Variants in LNX1 observed in about 807,000 individuals in gnomAD.
The protein encoded by LNX1 is E3 ubiquitin-protein ligase LNX.
LNX1 carries 54 observed loss-of-function variants against 68.4 expected under a neutral mutation model. The ratio of observed to expected loss-of-function variants is 0.79; its 90% CI spans 0.63 to 0.99. The LOEUF (loss-of-function observed/expected upper bound fraction) is 0.99. LNX1 is among the 50% of genes least tolerant of loss of function. The pLI is 0.00. For synonymous variants in LNX1, 336 were observed against 350.0 expected (o/e 0.96, Z 0.45); for missense variants, 906 against 926.4 (o/e 0.98, Z 0.29).
chr4:53,595,312 T>G (rs1455603379), upstream of LNX1, among the ~76,000 whole-genome samples: 1 of 152,132 alleles, frequency 6.6e-6, no homozygotes, highest in East Asian at 1.9e-4. Context: ...ATCCACTGAT[T>G]GCTAAATTTA....
intron 7 of LNX1, among the ~76,000 whole-genome samples, chr4:53,480,875 A>C (rs1723865820): frequency 6.6e-6 from 1 of 152,220 alleles, no homozygotes; most frequent in Admixed American, 6.5e-5. Flanking sequence ...AAGAAGAATG[A>C]GCTACCTTTA....
At chr4:53,605,142 G>A (rs1733176599) in intron 2 of LNX1, among the ~76,000 whole-genome samples, 1 of 152,098 alleles carries the variant, frequency 6.6e-6, no homozygotes, top group Admixed American at 6.5e-5. Flanking sequence ...CAGATGAAAA[G>A]GGATGGAGAA....
At chr4:53,605,125 G>T (rs1399245535) in intron 2 of LNX1, among the ~76,000 whole-genome samples, 2 of 152,092 alleles carry the variant, frequency 1.3e-5, no homozygotes. Context: ...GAGTTACAAG[G>T]CCCACCCAGA....
intron 1 of LNX1, among the ~76,000 whole-genome samples, chr4:53,649,807 A>G (rs1320423429): frequency 2.6e-5 from 4 of 152,202 alleles, no homozygotes; most frequent in African/African-American, 9.6e-5. Context: ...ATTGAAATTT[A>G]TTGCTTGTCT....
chr4:53,503,017 G>A (rs889762040), intron 4 of LNX1, among the ~76,000 whole-genome samples: 5 of 151,148 alleles, frequency 3.3e-5, no homozygotes, highest in African/African-American at 9.7e-5. Flanking sequence ...TGCAAGCTCC[G>A]CCTCCCAGGT....
intron 1 of LNX1, among the ~76,000 whole-genome samples, chr4:53,647,632 G>A (rs1021603296): frequency 6.6e-6 from 1 of 152,148 alleles, no homozygotes; most frequent in South Asian, 2.1e-4. Context: ...CATGAAACTT[G>A]CCATCTTAAC....
At chr4:53,468,617 A>T (rs980937731) in intron 9 of LNX1, among the ~76,000 whole-genome samples, 3 of 152,208 alleles carry the variant, frequency 2.0e-5, no homozygotes, top group Non-Finnish European at 4.4e-5. Context: ...AGAGACACAC[A>T]TAGGCTCAAA....
intron 2 of LNX1, among the ~76,000 whole-genome samples, chr4:53,529,840 T>C (rs1291847575): frequency 2.6e-5 from 4 of 152,172 alleles, no homozygotes; most frequent in African/African-American, 7.2e-5. Context: ...CCACAGGAAA[T>C]GAACATACAC....
intron 2 of LNX1, among the ~76,000 whole-genome samples, chr4:53,535,341 G>A (rs1223067584): frequency 1.3e-5 from 2 of 152,032 alleles, no homozygotes; most frequent in Non-Finnish European, 2.9e-5. Flanking sequence ...CTTTCTCCTT[G>A]AAATGTTATT....
chr4:53,646,455 A>G (rs1734884680), intron 1 of LNX1, among the ~76,000 whole-genome samples: 1 of 152,124 alleles, frequency 6.6e-6, no homozygotes, highest in Admixed American at 6.5e-5. Context: ...TAATTATCTT[A>G]CTTATCTGTC....
intron 6 of LNX1, among the ~76,000 whole-genome samples, chr4:53,484,111 C>T (rs892510250): frequency 3.9e-5 from 6 of 152,128 alleles, no homozygotes; most frequent in East Asian, 1.9e-4. Flanking sequence ...GACACCAAAC[C>T]GGCTAGTGTC....
chr4:53,498,003 C>A (rs1342525426), intron 5 of LNX1, among the ~76,000 whole-genome samples: 2 of 152,124 alleles, frequency 1.3e-5, no homozygotes, highest in Admixed American at 1.3e-4. Flanking sequence ...GTAAACAGAT[C>A]TTTTTATCCT....
At chr4:53,461,125 AT>A in intron 10 of LNX1, 83 bp from the exon 11 acceptor site, 1 of 1,191,622 alleles carries the variant, frequency 8.4e-7, no homozygotes, top group Non-Finnish European at 1.2e-6. Context: ...GTGGTGCTAG[AT>A]TTTGCTACAT....
chr4:53,497,335 T>C (rs888896304), intron 5 of LNX1, among the ~76,000 whole-genome samples: 9 of 152,258 alleles, frequency 5.9e-5, no homozygotes, highest in African/African-American at 2.2e-4. Flanking sequence ...AATAACTTTC[T>C]TGAATTTCTG....
chr4:53,553,369 G>A (rs1729650826), intron 2 of LNX1, among the ~76,000 whole-genome samples: 1 of 152,156 alleles, frequency 6.6e-6, no homozygotes, highest in South Asian at 2.1e-4. Flanking sequence ...CATGAAAATG[G>A]ATGGGCCCCC....
At chr4:53,479,186 T>C (rs1267420369) in intron 7 of LNX1, among the ~76,000 whole-genome samples, 1 of 152,242 alleles carries the variant, frequency 6.6e-6, no homozygotes, top group Admixed American at 6.5e-5. Context: ...CCACTGCTCC[T>C]GGCCATGGAG....
chr4:53,523,838 C>A (rs1039889426), intron 2 of LNX1, among the ~76,000 whole-genome samples: 1 of 152,208 alleles, frequency 6.6e-6, no homozygotes, highest in African/African-American at 2.4e-5. Flanking sequence ...ATGAAGCCTC[C>A]ATTCACACTG....
intron 2 of LNX1, among the ~76,000 whole-genome samples, chr4:53,561,066 A>G (rs1268705118): frequency 3.3e-5 from 5 of 152,102 alleles, no homozygotes; most frequent in Non-Finnish European, 7.4e-5. Flanking sequence ...CTTTTCACTA[A>G]ACAAGGTTTA....
At chr4:53,576,034 ACCTT>A (rs1731467289) in intron 1 of LNX1, 1 of 1,566,276 alleles carries the variant, frequency 6.4e-7, no homozygotes, top group Non-Finnish European at 8.6e-7. Flanking sequence ...GAAGCCCAAC[ACCTT>A]CAGGGACCAG....
Sources: gnomAD v4.1 joint callset for allele counts (sites outside exome capture counted in the v4.1 genomes callset) on GRCh38, gnomAD v4.1.1 for gene constraint, MANE v1.5 for transcripts, NCBI Gene and HGNC (gene_info 2026-07-23, HGNC 2026-07-21) for gene names.